Variants in CNGB3 observed in about 807,000 individuals in gnomAD.
The protein encoded by CNGB3 is cyclic nucleotide gated channel subunit beta 3, also known as cyclic nucleotide-gated channel beta-3.
A neutral mutation model predicts 92.8 loss-of-function variants in CNGB3; 86 were observed. That is an observed-to-expected ratio of 0.93 (90% CI 0.78 to 1.11). The LOEUF (loss-of-function observed/expected upper bound fraction) is 1.11. CNGB3 is among the 50% of genes least tolerant of loss of function. CNGB3 has a pLI of 0.00. For missense variants in CNGB3, 1,026 were observed against 956.8 expected (o/e 1.07, Z -0.95); for synonymous variants, 333 against 332.7 (o/e 1.00, Z -0.01).
At chr8:86,710,027 C>T (rs922393105) in intron 3 of CNGB3, among the ~76,000 whole-genome samples, 1 of 152,152 alleles carries the variant, frequency 6.6e-6, no homozygotes, top group African/African-American at 2.4e-5. Context: ...GGAATTGCTT[C>T]ACTCTGGCAA....
intron 14 of CNGB3, among the ~76,000 whole-genome samples, chr8:86,607,947 T>C (rs1019534230): frequency 5.3e-5 from 8 of 152,206 alleles, no homozygotes; most frequent in Non-Finnish European, 8.8e-5. Flanking sequence ...CAGCCTTTCT[T>C]CTCTGTCAAT....
Position 86,668,001 on chromosome 8 carries a change from T to C in CNGB3, c.643+18A>G, listed in dbSNP as rs370444121. 50 of 1,613,770 alleles carry C rather than the reference T, an allele frequency of 3.1e-5. No individual in the cohort carries two copies. The African/African-American group carries it at 5.9e-4, about 19-fold the overall frequency. On this transcript the variant is annotated intron_variant, in intron 5 of 17. Transcript: ENST00000320005. ...ATAGCCAGCCCTCCCACTATGATAA[T>C]TCACCCTTTGATAATACCTGTGTAT...
intron 17 of CNGB3, among the ~76,000 whole-genome samples, chr8:86,576,723 C>T (rs1821668819): frequency 6.6e-6 from 1 of 152,092 alleles, no homozygotes; most frequent in Non-Finnish European, 1.5e-5. Flanking sequence ...ACTGGTAATG[C>T]TTGGGATCAA....
intron 15 of CNGB3, among the ~76,000 whole-genome samples, chr8:86,599,991 C>T (rs561117567): frequency 1.1e-4 from 16 of 152,282 alleles, no homozygotes; most frequent in South Asian, 2.1e-4. Context: ...TGGGACATCA[C>T]GGAACCTGGT....
At chr8:86,708,306 G>C (rs1824686003) in intron 3 of CNGB3, among the ~76,000 whole-genome samples, 1 of 152,046 alleles carries the variant, frequency 6.6e-6, no homozygotes, top group Non-Finnish European at 1.5e-5. Context: ...GGCCAGTGAG[G>C]GACGGTAGCA....
chr8:86,716,949 C>A (rs1196057520), intron 3 of CNGB3, among the ~76,000 whole-genome samples: 1 of 152,120 alleles, frequency 6.6e-6, no homozygotes, highest in Non-Finnish European at 1.5e-5. Context: ...AATTCACCAA[C>A]AAAGTGTCTG....
chr8:86,624,786 T>C (rs1444285005), intron 13 of CNGB3, among the ~76,000 whole-genome samples: 1 of 152,204 alleles, frequency 6.6e-6, no homozygotes, highest in Non-Finnish European at 1.5e-5. Context: ...GATCTGTGTC[T>C]CCACCAAATC....
chr8:86,708,149 A>G (rs1018343761), intron 3 of CNGB3, among the ~76,000 whole-genome samples: 2 of 152,208 alleles, frequency 1.3e-5, no homozygotes, highest in Non-Finnish European at 1.5e-5. Flanking sequence ...CAGGGTATCA[A>G]TGTTGCTTAC....
chr8:86,607,451 A>C (rs1822432485), intron 14 of CNGB3, among the ~76,000 whole-genome samples: 1 of 152,174 alleles, frequency 6.6e-6, no homozygotes, highest in Non-Finnish European at 1.5e-5. Context: ...GTTTCTGTGT[A>C]GGAAGCTATT....
intron 10 of CNGB3, among the ~76,000 whole-genome samples, chr8:86,635,718 A>AAC (rs1407318133): frequency 6.6e-6 from 1 of 150,708 alleles, no homozygotes; most frequent in Non-Finnish European, 1.5e-5. Context: ...TCTAATATCT[A>AAC]CATCCCAGTC....
chr8:86,676,461 G>T (rs2131623697), intron 3 of CNGB3, among the ~76,000 whole-genome samples: 1 of 152,304 alleles, frequency 6.6e-6, no homozygotes, highest in South Asian at 2.1e-4. Flanking sequence ...AATTTGTCTT[G>T]AATGGTCAGT....
chr8:86,724,755 T>C (rs560764233), intron 3 of CNGB3, among the ~76,000 whole-genome samples: 1 of 151,922 alleles, frequency 6.6e-6, no homozygotes, highest in Non-Finnish European at 1.5e-5. Context: ...GAAGAATGAA[T>C]AGAAGTTAAT....
intron 3 of CNGB3, among the ~76,000 whole-genome samples, chr8:86,679,222 C>T (rs552182931): frequency 6.6e-6 from 1 of 152,098 alleles, no homozygotes; most frequent in Non-Finnish European, 1.5e-5. Flanking sequence ...TTTTAGTTAA[C>T]ATTCCTCTCT....
intron 3 of CNGB3, among the ~76,000 whole-genome samples, chr8:86,675,903 G>A (rs181146727): frequency 2.0e-5 from 3 of 152,292 alleles, no homozygotes; most frequent in Admixed American, 2.0e-4. Context: ...TTAACAATTA[G>A]GATTACAGAA....
In CNGB3 at chr8:86,743,591, G is replaced by A; in HGVS notation, c.37C>T (p.Pro13Ser). 6.2e-7 allele frequency: 1 copy of A among 1,613,930 alleles called. No individual in the cohort carries two copies. Among genetic ancestry groups the A allele is most frequent in the Non-Finnish European group, 8.5e-7 (1 of 1,179,864 alleles). ...KSLTKVNKVK[P>S]IGENNENEQS... ...TCATTCTCATTGTTCTCTCCTATAGGCTTCACCTTGTTGACTTTTGTCAGC... is the reference window on the plus strand; with the variant it reads ...TCATTCTCATTGTTCTCTCCTATAGACTTCACCTTGTTGACTTTTGTCAGC... The change falls in exon 1 of 18, where the codon CCT becomes TCT. Residue 13 changes from proline (P) to serine (S), a missense_variant. By Grantham distance (74) the Pro-to-Ser change is moderately conservative. Coordinates refer to ENST00000320005, the MANE Select transcript of CNGB3 (RefSeq NM_019098.5).
chr8:86,628,774 A>T, intron 12 of CNGB3, 145 bp downstream of exon 12: 1 of 836,846 alleles, frequency 1.2e-6, no homozygotes, highest in Admixed American at 2.6e-5. Context: ...AAAAAAAAAA[A>T]CCTGTAGCAT....
At chr8:86,601,537 G>C (rs1470941196) in intron 15 of CNGB3, among the ~76,000 whole-genome samples, 1 of 151,070 alleles carries the variant, frequency 6.6e-6, no homozygotes, top group Non-Finnish European at 1.5e-5. Flanking sequence ...TTTTTCCTGA[G>C]GAAAAAGAAC....
chr8:86,716,302 A>G (rs987405183), intron 3 of CNGB3, among the ~76,000 whole-genome samples: 2 of 152,228 alleles, frequency 1.3e-5, no homozygotes, highest in Non-Finnish European at 2.9e-5. Context: ...AATATATTTG[A>G]GGGAATAATT....
chr8:86,689,568 A>AT (rs1284827046), intron 3 of CNGB3, among the ~76,000 whole-genome samples: 2 of 144,760 alleles, frequency 1.4e-5, no homozygotes, highest in African/African-American at 5.1e-5. Context: ...TTTTATTTTT[A>AT]TTTTTTATTA....
Sources: allele counts gnomAD v4.1 joint callset (sites outside exome capture counted in the v4.1 genomes callset), GRCh38; gene constraint gnomAD v4.1.1; transcripts MANE v1.5; gene names NCBI Gene and HGNC (gene_info 2026-07-23, HGNC 2026-07-21).